HPD: variants seen among roughly 807,000 people sequenced by gnomAD.
HPD encodes 4-hydroxyphenylpyruvate dioxygenase.
In HPD, 35 loss-of-function variants were observed where a neutral mutation model predicts 56.9. That is an observed-to-expected ratio of 0.62 (90% CI 0.47 to 0.82). HPD has a LOEUF of 0.82. Ranked by LOEUF, HPD falls within the 40% of genes least tolerant of loss-of-function variation. HPD has a pLI of 0.00. For synonymous variants in HPD, 186 were observed against 200.2 expected (o/e 0.93, Z 0.60); for missense variants, 442 against 506.8 (o/e 0.87, Z 1.23).
chr12:121,865,811 G>A (rs1019665467), upstream of HPD, among the ~76,000 whole-genome samples: 4 of 150,166 alleles, frequency 2.7e-5, no homozygotes, highest in African/African-American at 7.3e-5. Flanking sequence ...GCAACATGGC[G>A]AAACCCCATC....
intron 8 of HPD, among the ~76,000 whole-genome samples, chr12:121,849,327 G>C (rs1877687136): frequency 6.6e-6 from 1 of 151,982 alleles, no homozygotes; most frequent in African/African-American, 2.4e-5. Flanking sequence ...ACTGCGCCTG[G>C]ACTCACACTT....
At position 121,839,826 on chromosome 12, in the gene HPD, C is replaced by A; in HGVS notation, c.1084G>T (p.Gly362Cys). Reference sequence around the variant, plus strand: ...GCCTTGAACAGTGAGTTGAAGTTGCCGGCTCCAAAACCCTGTGGCGGGAAA... The same window carrying A: ...GCCTTGAACAGTGAGTTGAAGTTGCAGGCTCCAAAACCCTGTGGCGGGAAA... ...QRHNHQGFGA[G>C]NFNSLFKAFE... Residue 362 changes from glycine to cysteine, a missense_variant, in exon 14 of 14, where the codon GGC (glycine) becomes TGC (cysteine). Coordinates refer to ENST00000289004, the MANE Select transcript of HPD (RefSeq NM_002150.3). 1 of 1,614,122 alleles carries A rather than the reference C, an allele frequency of 6.2e-7. No individual in the cohort carries two copies. Among genetic ancestry groups the A allele is most frequent in the Non-Finnish European group, 8.5e-7 (1 of 1,179,966 alleles).
At chr12:121,886,315 A>G in the HPD span, among the ~76,000 whole-genome samples, 1 of 150,576 alleles carries the variant, frequency 6.6e-6, no homozygotes, top group African/African-American at 2.5e-5. Context: ...TCACCGTGTT[A>G]GCCAGGATGG....
intron 12 of HPD, among the ~76,000 whole-genome samples, chr12:121,841,233 G>C (rs1279192269): frequency 6.6e-6 from 1 of 151,870 alleles, no homozygotes; most frequent in Non-Finnish European, 1.5e-5. Context: ...GCTGGGCGTG[G>C]TGGCGGGCGC....
chr12:121,855,520 C>T (rs1877959170), intron 6 of HPD, among the ~76,000 whole-genome samples: 1 of 152,172 alleles, frequency 6.6e-6, no homozygotes, highest in Admixed American at 6.6e-5. Context: ...GAGTTCAAGA[C>T]CAGCCTGGCC....
intron 9 of HPD, among the ~76,000 whole-genome samples, chr12:121,848,096 CA>C (rs1877645820): frequency 6.6e-6 from 1 of 152,070 alleles, no homozygotes; most frequent in Non-Finnish European, 1.5e-5. Flanking sequence ...GGAATTTGGA[CA>C]GGGGGCTCTC....
At chr12:121,875,329 A>G in the HPD span, among the ~76,000 whole-genome samples, 1 of 152,002 alleles carries the variant, frequency 6.6e-6, no homozygotes, top group African/African-American at 2.4e-5. Flanking sequence ...AATCAACAAA[A>G]CAGTAACCTT....
At chr12:121,858,964 G>T, upstream of HPD, 3 of 941,306 alleles carry the variant, frequency 3.2e-6, no homozygotes, top group South Asian at 1.3e-5. Context: ...GCCCTGGAAG[G>T]TTCCAGGCCT....
chr12:121,882,404 G>A, the HPD span, among the ~76,000 whole-genome samples: 5 of 152,270 alleles, frequency 3.3e-5, no homozygotes, highest in African/African-American at 1.2e-4. Flanking sequence ...AAGCTTGAGA[G>A]AGGCAACTGA....
chr12:121,864,437 C>T (rs1049883450), upstream of HPD, among the ~76,000 whole-genome samples: 1 of 151,200 alleles, frequency 6.6e-6, no homozygotes, highest in Non-Finnish European at 1.5e-5. Flanking sequence ...CCCGTAGTCC[C>T]AGCTACTCAG....
chr12:121,875,828 A>G, the HPD span, among the ~76,000 whole-genome samples: 5 of 152,156 alleles, frequency 3.3e-5, no homozygotes, highest in African/African-American at 1.2e-4. Context: ...TAACCCCAAA[A>G]GCACAGATGA....
In HPD at chr12:121,847,111, C is replaced by T. The variant is rs920565956; in HGVS notation, c.700G>A (p.Glu234Lys). Residue 234 changes from glutamate (E) to lysine (K), a missense_variant, in exon 10 of 14, where the codon GAG (glutamate) becomes AAG (lysine). Coordinates refer to ENST00000289004, the MANE Select transcript of HPD (RefSeq NM_002150.3). ...TCATTGATGGGCATCTTGATGGACT[C>T]TTCATAGTTGGCCACCACAATGGAT... ...LRSIVVANYE[E>K]SIKMPINEPA... is the part of the protein sequence containing the mutation. 6.2e-7 allele frequency: 1 copy of T among 1,614,054 alleles called. No individual in the cohort carries two copies. Among genetic ancestry groups the T allele is most frequent in the Non-Finnish European group, 8.5e-7 (1 of 1,180,038 alleles).
chr12:121,872,074 T>C, the HPD span, among the ~76,000 whole-genome samples: 1 of 60,758 alleles, frequency 1.6e-5, no homozygotes, highest in Non-Finnish European at 5.0e-5. Flanking sequence ...CTACTAAAAA[T>C]ACAAAAAAAA....
At position 121,854,710 on chromosome 12, in the gene HPD, AG is replaced by A. The variant is rs1230776257; in HGVS notation, c.406del (p.Leu136CysfsTer15). 6.2e-7 allele frequency: 1 copy of A among 1,612,914 alleles called. No individual in the cohort carries two copies. Among genetic ancestry groups the A allele is most frequent in the Non-Finnish European group, 8.5e-7 (1 of 1,178,856 alleles). ...GCACCAAAGGGAACTCACCGTCTGC[AG>A]CACAGCAAACTTCACCTTCCCAAAC... ...DKFGKVKFAVLQTYGDTTHTL... is the reference protein window; with the variant it reads ...DKFGKVKFAVXQTYGDTTHTL... On this transcript the variant is annotated frameshift_variant, in exon 7 of 14. Coordinates refer to ENST00000289004, the MANE Select transcript of HPD (RefSeq NM_002150.3). LOFTEE classifies it high-confidence loss of function.
chr12:121,877,773 G>T, the HPD span, among the ~76,000 whole-genome samples: 1 of 152,044 alleles, frequency 6.6e-6, no homozygotes, highest in Admixed American at 6.6e-5. Flanking sequence ...GGGTGGGATT[G>T]GGGAAAGCTG....
chr12:121,849,579 G>A (rs1363014879), intron 8 of HPD, 108 bp downstream of exon 8: 9 of 788,598 alleles, frequency 1.1e-5, no homozygotes, highest in Middle Eastern at 2.3e-4. Context: ...TTCCCTAGCC[G>A]GCTCCATTCT....
At chr12:121,856,192 C>T (rs1179202826) in intron 6 of HPD, 132 bp downstream of exon 6, 32 of 760,294 alleles carry the variant, frequency 4.2e-5, no homozygotes, top group Non-Finnish European at 2.4e-6. Flanking sequence ...GATGCAGCAT[C>T]TGAGCTTGTC....
chr12:121,844,353 T>G (rs1392339018), intron 11 of HPD, among the ~76,000 whole-genome samples: 1 of 151,828 alleles, frequency 6.6e-6, no homozygotes, highest in Middle Eastern at 3.2e-3. Flanking sequence ...CCTGAGCACT[T>G]TCTACGTATT....
At chr12:121,869,763 G>T in the HPD span, among the ~76,000 whole-genome samples, 2 of 152,106 alleles carry the variant, frequency 1.3e-5, no homozygotes, top group Non-Finnish European at 2.9e-5. Flanking sequence ...GACCTCAAGT[G>T]ATCCACCCAC....
Sources: gnomAD v4.1 joint callset for allele counts (sites outside exome capture counted in the v4.1 genomes callset) on GRCh38, gnomAD v4.1.1 for gene constraint, MANE v1.5 for transcripts, NCBI Gene and HGNC (gene_info 2026-07-23, HGNC 2026-07-21) for gene names.